Variants in KLRG1 observed in about 807,000 individuals in gnomAD.
KLRG1 encodes the protein killer cell lectin-like receptor subfamily G member 1.
KLRG1 carries 16 observed loss-of-function variants against 21.8 expected under a neutral mutation model. The ratio of observed to expected loss-of-function variants is 0.73; its 90% confidence interval spans 0.50 to 1.11. The LOEUF (loss-of-function observed/expected upper bound fraction) is 1.11, where lower values mean the gene tolerates loss of function less well. Ranked by LOEUF, KLRG1 falls within the 50% of genes most tolerant of loss-of-function variation. The pLI, the probability that KLRG1 is intolerant of heterozygous loss-of-function variation, is 0.00. For missense variants in KLRG1, 173 were observed against 218.3 expected, an observed-to-expected ratio of 0.79 and a Z score of 1.31; for synonymous variants, 69 against 75.9, an observed-to-expected ratio of 0.91 and a Z score of 0.47.
intron 3 of KLRG1, among the ~76,000 whole-genome samples, chr12:9,008,202 G>A (rs1805676): frequency 0.23 from 35,612 of 152,100 alleles, 4,878 homozygotes; most frequent in East Asian, 0.37. Context: ...AGGCTTAATC[G>A]TAATTTATAT....
At chr12:9,109,720 C>T in the KLRG1 span, 2 of 759,164 alleles carry the variant, frequency 2.6e-6, no homozygotes, top group Non-Finnish European at 2.1e-6. Flanking sequence ...TCACTGATGT[C>T]CTCATTGGAC....
At chr12:9,111,937 T>C in the KLRG1 span, 1 of 696,178 alleles carries the variant, frequency 1.4e-6, no homozygotes, top group Non-Finnish European at 2.7e-6. Flanking sequence ...GTAAATTTAA[T>C]TGTGTGACAA....
chr12:9,148,822 G>T, the KLRG1 span: 1 of 640,134 alleles, frequency 1.6e-6, no homozygotes, highest in South Asian at 2.1e-5. Context: ...TCTGATGAAT[G>T]AATGATGCAA....
At chr12:9,192,500 C>A in the KLRG1 span, 52 of 1,604,482 alleles carry the variant, frequency 3.2e-5, no homozygotes, top group Non-Finnish European at 4.3e-5. Flanking sequence ...TATTCCATGG[C>A]CTCATTCTTA....
At chr12:9,175,807 A>G in the KLRG1 span, among the ~76,000 whole-genome samples, 1 of 152,124 alleles carries the variant, frequency 6.6e-6, no homozygotes, top group Non-Finnish European at 1.5e-5. Flanking sequence ...TCAAAAAACA[A>G]CAGATGCTGA....
chr12:8,968,551 C>T (rs1040246737), intron 1 of KLRG1, among the ~76,000 whole-genome samples: 35 of 152,266 alleles, frequency 2.3e-4, no homozygotes, highest in African/African-American at 6.7e-4. Context: ...CCCCACCCCA[C>T]GTAATTAACA....
the KLRG1 span, chr12:9,167,003 A>T: frequency 6.6e-6 from 1 of 152,184 alleles, no homozygotes; most frequent in Admixed American, 6.5e-5. Flanking sequence ...ATTTCTAGCA[A>T]TTTCACCCTA....
chr12:9,068,902 GT>G, the KLRG1 span: 1 of 1,248,290 alleles, frequency 8.0e-7, no homozygotes, highest in Non-Finnish European at 1.1e-6. Flanking sequence ...CTTTGAATTA[GT>G]TTAAGTATTC....
chr12:9,192,797 C>G, the KLRG1 span: 87 of 1,251,878 alleles, frequency 6.9e-5, no homozygotes, highest in Non-Finnish European at 9.5e-5. Flanking sequence ...ACCTTAGCTT[C>G]TCACCAAAAT....
chr12:9,107,531 C>T, the KLRG1 span: 7 of 1,613,928 alleles, frequency 4.3e-6, no homozygotes, highest in East Asian at 2.2e-5. Flanking sequence ...TACCTGTCCA[C>T]TGAATTTCTC....
At chr12:9,120,510 A>G in the KLRG1 span, among the ~76,000 whole-genome samples, 1 of 152,146 alleles carries the variant, frequency 6.6e-6, no homozygotes, top group Non-Finnish European at 1.5e-5. Context: ...ATAGAATCAA[A>G]TTTTCTCCTT....
chr12:8,951,355 G>A (rs1300335467), intron 1 of KLRG1, among the ~76,000 whole-genome samples: 2 of 151,996 alleles, frequency 1.3e-5, no homozygotes, highest in Non-Finnish European at 2.9e-5. Context: ...TGTAGTCCCA[G>A]CTGCTTGGGA....
At chr12:9,019,564 A>T in the KLRG1 span, among the ~76,000 whole-genome samples, 1 of 152,194 alleles carries the variant, frequency 6.6e-6, no homozygotes, top group Non-Finnish European at 1.5e-5. Flanking sequence ...TGTGGTACAT[A>T]TACATGAGGG....
upstream of KLRG1, chr12:8,989,466 A>G: frequency 1.8e-6 from 1 of 550,102 alleles, no homozygotes; most frequent in South Asian, 2.4e-5. Flanking sequence ...TACAATATTA[A>G]TTTCTATAGG....
At chr12:9,136,479 T>A in the KLRG1 span, among the ~76,000 whole-genome samples, 1 of 152,212 alleles carries the variant, frequency 6.6e-6, no homozygotes, top group African/African-American at 2.4e-5. Flanking sequence ...AAATTGTTTC[T>A]TATCTTGGCA....
chr12:9,092,947 T>C, the KLRG1 span, among the ~76,000 whole-genome samples: 3 of 152,208 alleles, frequency 2.0e-5, no homozygotes, highest in African/African-American at 7.2e-5. Flanking sequence ...ATCCTGCCAC[T>C]TGTGACAACA....
the KLRG1 span, among the ~76,000 whole-genome samples, chr12:9,084,961 T>C: frequency 6.6e-6 from 1 of 152,044 alleles, no homozygotes; most frequent in Non-Finnish European, 1.5e-5. Context: ...GATAAAAGGG[T>C]CAATTCATCA....
At chr12:9,181,943 G>T in the KLRG1 span, 1 of 1,605,092 alleles carries the variant, frequency 6.2e-7, no homozygotes, top group South Asian at 1.1e-5. Context: ...TCATTTATTT[G>T]TGTTCTTTTA....
the KLRG1 span, chr12:9,161,133 C>T: frequency 6.5e-7 from 1 of 1,527,448 alleles, no homozygotes; most frequent in Non-Finnish European, 9.0e-7. Flanking sequence ...AAACAGACAG[C>T]CCATGTTAAA....
Sources: gnomAD v4.1 joint callset for allele counts (sites outside exome capture counted in the v4.1 genomes callset) on GRCh38, gnomAD v4.1.1 for gene constraint, MANE v1.5 for transcripts, NCBI Gene and HGNC (gene_info 2026-07-23, HGNC 2026-07-21) for gene names.